EYS: variants seen among roughly 807,000 people sequenced by gnomAD.
The protein encoded by EYS is protein eyes shut homolog.
A neutral mutation model predicts 282.1 loss-of-function variants in EYS; 250 were observed. The ratio of observed to expected loss-of-function variants is 0.89; its 90% CI spans 0.80 to 0.98. EYS has a LOEUF of 0.98. Ranked by LOEUF, EYS falls within the 50% of genes least tolerant of loss-of-function variation. EYS has a pLI of 0.00. For synonymous variants in EYS, 1,355 were observed against 1,282.9 expected (o/e 1.06, Z -1.20); for missense variants, 4,016 against 3,709.0 (o/e 1.08, Z -2.15).
intron 33 of EYS, among the ~76,000 whole-genome samples, chr6:64,064,572 A>T (rs536942598): frequency 6.6e-6 from 1 of 152,188 alleles, no homozygotes; most frequent in East Asian, 1.9e-4. Flanking sequence ...GATAAAATTA[A>T]TCTAAACACT....
At position 65,115,828 on chromosome 6, in the gene EYS, T is replaced by C. The variant is rs56112740; in HGVS notation, c.2024-58101A>G. ...TAAGATGTACAGAGTTTAGGTTACT[T>C]GTAGGACATCATATAACTAAGTGGT... is the stretch of plus-strand genomic sequence containing the variant. On this transcript the variant is annotated intron_variant, in intron 12 of 42. Coordinates refer to ENST00000503581, the MANE Select transcript of EYS (RefSeq NM_001142800.2). Among the ~76,000 whole-genome samples the C allele has an allele frequency of 9.9e-3, 1,506 of 152,228 alleles. 18 individuals are homozygous for C. Among genetic ancestry groups the C allele is most frequent in the African/African-American group, 0.034 (1,424 of 41,548 alleles).
chr6:64,912,839 G>C (rs1473054966), intron 15 of EYS, 96 bp from the exon 16 acceptor site: 2 of 680,742 alleles, frequency 2.9e-6, no homozygotes, highest in African/African-American at 3.7e-5. Flanking sequence ...AGTATGTGGT[G>C]CTTTTAAATT....
intron 22 of EYS, among the ~76,000 whole-genome samples, chr6:64,704,180 C>G (rs577878651): frequency 6.6e-6 from 1 of 151,384 alleles, no homozygotes; most frequent in Non-Finnish European, 1.5e-5. Context: ...TGTGTTTGCA[C>G]TAATGGAACA....
At position 64,856,685 on chromosome 6, in the gene EYS, G is replaced by A. The variant is rs370025622; in HGVS notation, c.2992+30012C>T. On this transcript the variant is annotated intron_variant, in intron 19 of 42. Transcript: ENST00000503581. ...AATATAAGTTTCTTAACATATGCAC[G>A]TTTCACAAACATTTTATCTCATTTT... 8.9e-4 allele frequency among the ~76,000 whole-genome samples: 136 copies of A among 152,136 alleles called. 4 individuals are homozygous for A. The South Asian group carries it at 0.02, about 22-fold the overall frequency.
intron 36 of EYS, among the ~76,000 whole-genome samples, chr6:63,829,460 C>T (rs1046990381): frequency 6.6e-6 from 1 of 152,224 alleles, no homozygotes; most frequent in East Asian, 1.9e-4. Context: ...GAGCCTTGCT[C>T]ACTGCTAGCA....
chr6:65,151,315 C>T (rs1054391047), intron 12 of EYS, among the ~76,000 whole-genome samples: 23 of 152,056 alleles, frequency 1.5e-4, no homozygotes, highest in Middle Eastern at 3.4e-3. Flanking sequence ...TTAGGGTCTT[C>T]ATCTGTAGAA....
chr6:64,439,764 T>C (rs1483504210), intron 26 of EYS, among the ~76,000 whole-genome samples: 1 of 151,852 alleles, frequency 6.6e-6, no homozygotes, highest in African/African-American at 2.4e-5. Flanking sequence ...TTGAGAGGCA[T>C]AGAAATTGTT....
chr6:65,456,178 C>T (rs1173234787), intron 5 of EYS, among the ~76,000 whole-genome samples: 5 of 152,066 alleles, frequency 3.3e-5, no homozygotes, highest in South Asian at 2.1e-4. Context: ...ACAGGCCGGG[C>T]GAGGTAGCTC....
chr6:64,793,742 G>A (rs941482236), intron 22 of EYS, among the ~76,000 whole-genome samples: 9 of 151,960 alleles, frequency 5.9e-5, no homozygotes, highest in Non-Finnish European at 1.0e-4. Flanking sequence ...TATTACATAA[G>A]TTGAAATTTT....
intron 29 of EYS, among the ~76,000 whole-genome samples, chr6:64,382,212 T>A (rs1215141104): frequency 8.5e-5 from 13 of 152,166 alleles, no homozygotes. Context: ...AATGTCAGAT[T>A]TCCTCAGGAC....
chr6:64,935,942 T>C (rs1226526666), intron 15 of EYS, among the ~76,000 whole-genome samples: 1 of 151,592 alleles, frequency 6.6e-6, no homozygotes, highest in Non-Finnish European at 1.5e-5. Context: ...TAACATGTTC[T>C]ATGTGGCTAA....
chr6:63,822,811 G>T (rs1357268482), intron 36 of EYS, among the ~76,000 whole-genome samples: 1 of 152,110 alleles, frequency 6.6e-6, no homozygotes. Context: ...AGGCATCCTT[G>T]TCAAGTTCTG....
At chr6:64,712,657 T>C (rs1771251518) in intron 22 of EYS, among the ~76,000 whole-genome samples, 1 of 152,208 alleles carries the variant, frequency 6.6e-6, no homozygotes, top group South Asian at 2.1e-4. Context: ...GCAAATGTTC[T>C]TGCACCAAAA....
chr6:65,324,520 G>A (rs1384886191), intron 11 of EYS, among the ~76,000 whole-genome samples: 1 of 152,168 alleles, frequency 6.6e-6, no homozygotes. Context: ...CTCTTCGCTT[G>A]CCTTGCTGAG....
chr6:65,514,156 C>T (rs1225657050), intron 2 of EYS, among the ~76,000 whole-genome samples: 2 of 151,434 alleles, frequency 1.3e-5, no homozygotes, highest in Non-Finnish European at 3.0e-5. Context: ...AACAGACAAA[C>T]AGAGCCAAAT....
chr6:64,944,522 C>T (rs1034298448), intron 15 of EYS, among the ~76,000 whole-genome samples: 3 of 151,998 alleles, frequency 2.0e-5, no homozygotes, highest in Admixed American at 6.6e-5. Flanking sequence ...CTGTGGAAAG[C>T]CGTAGGGACC....
chr6:65,677,105 G>GAAAAAAAAAAAAAAAAAA (rs58880200), intron 1 of EYS, among the ~76,000 whole-genome samples: 1 of 107,666 alleles, frequency 9.3e-6, no homozygotes, highest in Non-Finnish European at 1.9e-5. Flanking sequence ...AGTCATTGGT[G>GAAAAAAAAAAAAAAAAAA]AAAAAAAAAA....
intron 13 of EYS, among the ~76,000 whole-genome samples, chr6:65,010,799 T>A (rs1437115263): frequency 6.6e-6 from 1 of 152,122 alleles, no homozygotes; most frequent in East Asian, 1.9e-4. Flanking sequence ...TGCAGCAATA[T>A]GGAGAGAAAG....
chr6:63,910,253 C>T (rs1562091833), intron 35 of EYS, among the ~76,000 whole-genome samples: 2 of 152,078 alleles, frequency 1.3e-5, no homozygotes, highest in Admixed American at 6.6e-5. Flanking sequence ...AGAAGGAACC[C>T]AGAAGCCAAA....
Sources: allele counts gnomAD v4.1 joint callset (sites outside exome capture counted in the v4.1 genomes callset), GRCh38; gene constraint gnomAD v4.1.1; transcripts MANE v1.5; gene names NCBI Gene and HGNC (gene_info 2026-07-23, HGNC 2026-07-21).